Variants in CNTN4 observed in about 807,000 individuals in gnomAD.
The protein encoded by CNTN4 is contactin-4.
A neutral mutation model predicts 122.5 loss-of-function variants in CNTN4; 77 were observed. The ratio of observed to expected loss-of-function variants is 0.63; its 90% CI spans 0.52 to 0.76. CNTN4 has a LOEUF of 0.76. Among genes scored for constraint, CNTN4 ranks in the 30% least tolerant of loss-of-function variants. CNTN4 has a pLI of 0.00. For missense variants in CNTN4, 1,256 were observed against 1,259.1 expected (o/e 1.00, Z 0.04); for synonymous variants, 512 against 447.0 (o/e 1.15, Z -1.83).
At chr3:2,475,448 G>T (rs183773135) in intron 3 of CNTN4, among the ~76,000 whole-genome samples, 1 of 152,272 alleles carries the variant, frequency 6.6e-6, no homozygotes, top group Admixed American at 6.5e-5. Context: ...TAGGAACCCA[G>T]AAGAAACATG....
At chr3:2,339,554 C>G (rs921531706) in intron 3 of CNTN4, among the ~76,000 whole-genome samples, 2 of 152,070 alleles carry the variant, frequency 1.3e-5, no homozygotes, top group Non-Finnish European at 2.9e-5. Flanking sequence ...AGTTGTTGTA[C>G]TTTTGCCAAA....
rs7643589 is a variant in CNTN4, at chr3:2,599,345, A to G, written c.55+27787A>G. 7.3e-3 allele frequency among the ~76,000 whole-genome samples: 1,112 copies of G among 152,360 alleles called. 16 individuals carry two copies. The highest frequency in any genetic ancestry group is 0.025 in the African/African-American group (1,047 of 41,582). On this transcript the variant is annotated intron_variant, in intron 4 of 24. Transcript: ENST00000418658. ...TGAAGAAAGAATTTAAAACTAGTAT[A>G]TCTGAATCCAGAATCTGAGCTGTTG...
intron 4 of CNTN4, among the ~76,000 whole-genome samples, chr3:2,577,119 CCTT>C (rs1233999189): frequency 2.0e-5 from 3 of 152,164 alleles, no homozygotes; most frequent in South Asian, 2.1e-4. Context: ...CACAATAACT[CCTT>C]CTACTTTTTT....
chr3:2,484,659 A>G (rs1287408756), intron 3 of CNTN4, among the ~76,000 whole-genome samples: 1 of 152,228 alleles, frequency 6.6e-6, no homozygotes, highest in Non-Finnish European at 1.5e-5. Context: ...GGACATCCAC[A>G]GTGAGGAACT....
intron 2 of CNTN4, among the ~76,000 whole-genome samples, chr3:2,139,649 C>A (rs142764721): frequency 2.0e-5 from 3 of 152,182 alleles, no homozygotes; most frequent in Admixed American, 6.5e-5. Flanking sequence ...CTAATGTGAG[C>A]CTGATGGCAA....
intron 4 of CNTN4, among the ~76,000 whole-genome samples, chr3:2,631,425 T>C (rs1049672114): frequency 1.3e-5 from 2 of 152,012 alleles, no homozygotes; most frequent in African/African-American, 4.8e-5. Context: ...AAACAACACA[T>C]AATGCAATGA....
At chr3:2,795,451 T>C (rs999430868) in intron 6 of CNTN4, among the ~76,000 whole-genome samples, 2 of 152,148 alleles carry the variant, frequency 1.3e-5, no homozygotes, top group Non-Finnish European at 2.9e-5. Flanking sequence ...CTATAATCTA[T>C]TCTGTTAAAT....
At chr3:2,302,589 A>G (rs778513299) in intron 2 of CNTN4, among the ~76,000 whole-genome samples, 1 of 152,204 alleles carries the variant, frequency 6.6e-6, no homozygotes, top group Non-Finnish European at 1.5e-5. Flanking sequence ...TATTTTCTCA[A>G]ATTAATGCTC....
chr3:2,139,049 T>C lies in CNTN4; in HGVS notation c.-145+38410T>C, dbSNP rs1429538019. On this transcript the variant is annotated intron_variant, in intron 2 of 24. Transcript: ENST00000418658. ...AGGGCACTTGGGTAGTGCATCTTTT[T>C]TCCTCTAACAAATGGGGGAGCATGT... 2.6e-5 allele frequency among the ~76,000 whole-genome samples: 4 copies of C among 152,166 alleles called. No individual in the cohort carries two copies. The East Asian group carries it at 7.7e-4, about 29-fold the overall frequency.
intron 6 of CNTN4, among the ~76,000 whole-genome samples, chr3:2,746,882 GA>G (rs1248990448): frequency 6.6e-6 from 1 of 152,166 alleles, no homozygotes; most frequent in African/African-American, 2.4e-5. Flanking sequence ...GAATGTAACA[GA>G]ACCAAAGTGT....
intron 14 of CNTN4, among the ~76,000 whole-genome samples, chr3:3,006,486 A>G (rs1157198579): frequency 1.3e-5 from 2 of 152,232 alleles, no homozygotes; most frequent in African/African-American, 4.8e-5. Flanking sequence ...TGAAAGAGAT[A>G]GTGATCATCT....
At position 2,388,926 on chromosome 3, in the gene CNTN4, G is replaced by T. The variant is rs2046345336; in HGVS notation, c.-89+49693G>T. Among the ~76,000 whole-genome samples the T allele has an allele frequency of 2.0e-5, 3 of 152,184 alleles. No homozygotes were observed. In the South Asian group the frequency reaches 6.2e-4, roughly 32 times the overall value. ...TAATCCCAGCACTTTGGGAGGCCGG[G>T]GTGGGTAGATCACCTAAGGTCAGGA... is the stretch of plus-strand genomic sequence containing the variant. On this transcript the variant is annotated intron_variant, in intron 3 of 24. Transcript: ENST00000418658.
At chr3:2,370,670 A>G (rs1421828932) in intron 3 of CNTN4, among the ~76,000 whole-genome samples, 6 of 152,214 alleles carry the variant, frequency 3.9e-5, no homozygotes, top group Non-Finnish European at 7.3e-5. Flanking sequence ...AATTTCAAGT[A>G]CAGGTATCCT....
chr3:2,931,323 T>C (rs2094518212), intron 13 of CNTN4, among the ~76,000 whole-genome samples: 1 of 151,916 alleles, frequency 6.6e-6, no homozygotes, highest in African/African-American at 2.4e-5. Context: ...AAATGCCTCC[T>C]AGGATCCCAT....
intron 4 of CNTN4, among the ~76,000 whole-genome samples, chr3:2,622,980 A>G (rs2082046359): frequency 6.6e-6 from 1 of 152,200 alleles, no homozygotes; most frequent in Non-Finnish European, 1.5e-5. Flanking sequence ...ATATACACAT[A>G]ATAAAGTAGT....
chr3:2,211,632 A>G (rs376790412), intron 2 of CNTN4, among the ~76,000 whole-genome samples: 12 of 152,240 alleles, frequency 7.9e-5, no homozygotes, highest in African/African-American at 2.7e-4. Flanking sequence ...TGAGGAATTT[A>G]AAGGAAAAAT....
intron 2 of CNTN4, among the ~76,000 whole-genome samples, chr3:2,169,376 A>G (rs2036340371): frequency 6.6e-6 from 1 of 152,148 alleles, no homozygotes; most frequent in Non-Finnish European, 1.5e-5. Flanking sequence ...GACATTCCCC[A>G]GTAACATTTT....
At chr3:2,419,824 T>G (rs2047550022) in intron 3 of CNTN4, among the ~76,000 whole-genome samples, 1 of 152,208 alleles carries the variant, frequency 6.6e-6, no homozygotes, top group Admixed American at 6.5e-5. Context: ...CCAGGACCCA[T>G]TTTTCTTTTC....
At position 2,588,785 on chromosome 3, in the gene CNTN4, TAAA is replaced by T. The variant is rs11334608; in HGVS notation, c.55+17247_55+17249del. Among the ~76,000 whole-genome samples, 585 of 118,676 alleles carry T rather than the reference TAAA, an allele frequency of 4.9e-3. 8 individuals are homozygous for T. The highest frequency in any genetic ancestry group is 0.015 in the African/African-American group (474 of 31,404). 77.9% of individuals were successfully genotyped at this position (118,676 alleles called of 152,430 possible). A position where few individuals can be genotyped will look rare whatever the true frequency, so the allele number is the denominator to read the frequency against. ...GTAAAGAGGAAGCATCTTCCAGCTC[TAAA>T]AAAAAAAAAAAAAAAAAAAGTGGAT... On this transcript the variant is annotated intron_variant, in intron 4 of 24. Coordinates refer to ENST00000418658, the MANE Select transcript of CNTN4 (RefSeq NM_175607.3).
Sources: allele counts gnomAD v4.1 joint callset (sites outside exome capture counted in the v4.1 genomes callset), GRCh38; gene constraint gnomAD v4.1.1; transcripts MANE v1.5; gene names NCBI Gene and HGNC (gene_info 2026-07-23, HGNC 2026-07-21).